The following DLG2 variants were observed in gnomAD, a reference collection of about 807,000 sequenced individuals.
The protein encoded by DLG2 is discs large MAGUK scaffold protein 2.
A neutral mutation model predicts 132.5 loss-of-function variants in DLG2; 45 were observed. That is an observed-to-expected ratio of 0.34 (90% CI 0.27 to 0.44). DLG2 has a LOEUF of 0.44. Ranked by LOEUF, DLG2 falls within the 20% of genes least tolerant of loss-of-function variation. The pLI, the probability that DLG2 is intolerant of heterozygous loss-of-function variation, is 1.00. For synonymous variants in DLG2, 424 were observed against 419.6 expected, an observed-to-expected ratio of 1.01 and a Z score of -0.13; for missense variants, 1,045 against 1,196.9, an observed-to-expected ratio of 0.87 and a Z score of 1.87.
chr11:84,500,339 T>A (rs2099200018), intron 7 of DLG2, among the ~76,000 whole-genome samples: 2 of 143,478 alleles, frequency 1.4e-5, no homozygotes, highest in Non-Finnish European at 3.1e-5. Flanking sequence ...CCAAGGTTAT[T>A]TGGTTGCAAG....
At chr11:83,589,725 T>C (rs2153284886) in intron 19 of DLG2, among the ~76,000 whole-genome samples, 1 of 151,584 alleles carries the variant, frequency 6.6e-6, no homozygotes, top group Non-Finnish European at 1.5e-5. Flanking sequence ...GACCCAGCAG[T>C]GTGCTGTATT....
chr11:84,307,396 T>C (rs1342628100), intron 7 of DLG2, among the ~76,000 whole-genome samples: 2 of 152,110 alleles, frequency 1.3e-5, no homozygotes, highest in East Asian at 1.9e-4. Flanking sequence ...CTATTGAATA[T>C]TATATTACTG....
rs1565716095 is a variant in DLG2, at chr11:85,582,701, A to AAAAAC, written c.40+15951_40+15955dup. 5.5e-4 allele frequency among the ~76,000 whole-genome samples: 73 copies of AAAAAC among 131,690 alleles called. 8 individuals carry two copies. The highest frequency in any genetic ancestry group is 7.6e-4 in the South Asian group (3 of 3,956). The allele number at this position is 131,690 out of a possible 152,430, so 86.4% of individuals were successfully genotyped here. A position where few individuals can be genotyped will look rare whatever the true frequency, so the allele number is the denominator to read the frequency against. On this transcript the variant is annotated intron_variant, in intron 3 of 27. Transcript: ENST00000376104. ...AAAAAAAAAAAAAAAAAAAAAAAAA[A>AAAAAC]AAAACTCGTGCAGCAACTATTTCTG...
At chr11:85,387,388 A>C (rs566424399) in intron 3 of DLG2, among the ~76,000 whole-genome samples, 17 of 152,188 alleles carry the variant, frequency 1.1e-4, no homozygotes, top group Non-Finnish European at 2.4e-4. Context: ...TTTTAGACTA[A>C]AGGGAGTTCT....
At chr11:85,263,978 G>T (rs567649938) in intron 4 of DLG2, among the ~76,000 whole-genome samples, 13 of 152,198 alleles carry the variant, frequency 8.5e-5, no homozygotes, top group Non-Finnish European at 1.5e-4. Flanking sequence ...AAGAGGCAGG[G>T]GCTGAAGGGA....
intron 6 of DLG2, among the ~76,000 whole-genome samples, chr11:84,633,786 G>A (rs1160715992): frequency 6.6e-6 from 1 of 152,070 alleles, no homozygotes. Flanking sequence ...CCATCCTTAT[G>A]ATGCAGGGAC....
At chr11:84,685,013 TAGAC>T (rs994213195) in intron 6 of DLG2, among the ~76,000 whole-genome samples, 18 of 152,216 alleles carry the variant, frequency 1.2e-4, no homozygotes, top group Non-Finnish European at 1.6e-4. Context: ...GATTCTTACT[TAGAC>T]AGTATCTGTT....
intron 16 of DLG2, among the ~76,000 whole-genome samples, chr11:83,839,274 A>G (rs2057005172): frequency 6.6e-6 from 1 of 152,234 alleles, no homozygotes; most frequent in Admixed American, 6.5e-5. Flanking sequence ...ATTTTATATT[A>G]TAGTTAATTA....
At chr11:83,991,914 G>A (rs961087565) in intron 11 of DLG2, among the ~76,000 whole-genome samples, 1 of 152,106 alleles carries the variant, frequency 6.6e-6, no homozygotes, top group Non-Finnish European at 1.5e-5. Context: ...ATTGGATCAG[G>A]GTAGGATTAG....
intron 4 of DLG2, among the ~76,000 whole-genome samples, chr11:85,191,464 T>A (rs1420631733): frequency 6.6e-6 from 1 of 152,004 alleles, no homozygotes. Flanking sequence ...ACTCAAGATC[T>A]ATGGAATGCA....
intron 7 of DLG2, among the ~76,000 whole-genome samples, chr11:84,438,170 C>A (rs1388414347): frequency 6.6e-6 from 1 of 152,178 alleles, no homozygotes; most frequent in East Asian, 1.9e-4. Context: ...TTCTCCTCCC[C>A]AGCTCCATTT....
At chr11:85,264,119 G>A (rs2077083956) in intron 4 of DLG2, among the ~76,000 whole-genome samples, 1 of 152,138 alleles carries the variant, frequency 6.6e-6, no homozygotes, top group Non-Finnish European at 1.5e-5. Flanking sequence ...TCAGACAATT[G>A]TTCTCCCCCA....
At chr11:85,159,116 G>A (rs1291533721) in intron 4 of DLG2, among the ~76,000 whole-genome samples, 2 of 152,176 alleles carry the variant, frequency 1.3e-5, no homozygotes, top group Admixed American at 6.5e-5. Flanking sequence ...AAAGGAAAAT[G>A]TTCAGACAGT....
intron 6 of DLG2, among the ~76,000 whole-genome samples, chr11:84,749,682 T>A (rs2065853392): frequency 6.6e-6 from 1 of 152,042 alleles, no homozygotes; most frequent in Non-Finnish European, 1.5e-5. Context: ...AACCTATCCC[T>A]CTCGTTAAGT....
At chr11:83,621,898 G>T (rs1444637897) in intron 19 of DLG2, among the ~76,000 whole-genome samples, 1 of 151,982 alleles carries the variant, frequency 6.6e-6, no homozygotes, top group African/African-American at 2.4e-5. Context: ...TCACTGTCTT[G>T]CTACTAATTT....
intron 6 of DLG2, among the ~76,000 whole-genome samples, chr11:84,575,842 T>C (rs970665954): frequency 5.8e-4 from 88 of 152,278 alleles, no homozygotes; most frequent in African/African-American, 2.1e-3. Context: ...TTTCTGTCAA[T>C]CCACATCTGG....
intron 7 of DLG2, among the ~76,000 whole-genome samples, chr11:84,301,414 T>G (rs763975840): frequency 1.3e-4 from 19 of 151,754 alleles, no homozygotes; most frequent in Non-Finnish European, 2.5e-4. Flanking sequence ...TCCCAGCACT[T>G]TGGGAGGCCG....
chr11:85,118,722 T>C (rs905321351), intron 5 of DLG2, among the ~76,000 whole-genome samples: 2 of 152,012 alleles, frequency 1.3e-5, no homozygotes, highest in Non-Finnish European at 2.9e-5. Context: ...GAGAGTTTAA[T>C]ACCATGAGGA....
chr11:83,688,892 C>T (rs749628741), intron 18 of DLG2, among the ~76,000 whole-genome samples: 9 of 152,070 alleles, frequency 5.9e-5, no homozygotes, highest in Non-Finnish European at 1.2e-4. Context: ...ATCCCTTTGC[C>T]AAAGTTATCT....
Sources: allele counts gnomAD v4.1 joint callset (sites outside exome capture counted in the v4.1 genomes callset), GRCh38; gene constraint gnomAD v4.1.1; transcripts MANE v1.5; gene names NCBI Gene and HGNC (gene_info 2026-07-23, HGNC 2026-07-21).